ARHGEF3: variants seen among roughly 807,000 people sequenced by gnomAD.
ARHGEF3 encodes the protein 59.8 kDA protein.
A neutral mutation model predicts 63.2 loss-of-function variants in ARHGEF3; 28 were observed. The ratio of observed to expected loss-of-function variants is 0.44; its 90% CI spans 0.33 to 0.61. The LOEUF is 0.61. Ranked by LOEUF, ARHGEF3 falls within the 20% of genes least tolerant of loss-of-function variation. ARHGEF3 has a pLI of 0.03. For missense variants in ARHGEF3, 533 were observed against 659.3 expected (o/e 0.81, Z 2.10); for synonymous variants, 266 against 254.2 (o/e 1.05, Z -0.44).
intron 1 of ARHGEF3, among the ~76,000 whole-genome samples, chr3:57,066,033 T>C (rs1228030859): frequency 7.4e-6 from 1 of 135,718 alleles, no homozygotes; most frequent in African/African-American, 2.9e-5. Context: ...AGACTCTGTC[T>C]CCAAAACAAA....
At chr3:56,791,240 A>G (rs1360211409) in intron 1 of ARHGEF3, among the ~76,000 whole-genome samples, 1 of 152,036 alleles carries the variant, frequency 6.6e-6, no homozygotes, top group African/African-American at 2.4e-5. Context: ...CTGACTCTAG[A>G]AAAATAAAAC....
At chr3:56,918,215 G>A (rs1005683144) in intron 3 of ARHGEF3, among the ~76,000 whole-genome samples, 1 of 152,166 alleles carries the variant, frequency 6.6e-6, no homozygotes, top group Non-Finnish European at 1.5e-5. Context: ...TGGGAAATGC[G>A]GGAGGCTCCA....
At chr3:56,821,180 A>T (rs72867713) in intron 4 of ARHGEF3, among the ~76,000 whole-genome samples, 1,567 of 149,220 alleles carry the variant, frequency 0.011, 17 homozygotes, top group African/African-American at 0.03. Context: ...AATAAATAAA[A>T]AAAATAGGGT....
At chr3:56,904,307 A>C (rs1365399515) in intron 3 of ARHGEF3, among the ~76,000 whole-genome samples, 1 of 152,154 alleles carries the variant, frequency 6.6e-6, no homozygotes, top group African/African-American at 2.4e-5. Flanking sequence ...TTGGGATTAC[A>C]GGCATAAGCC....
In ARHGEF3 at chr3:56,745,271, C is replaced by G; in HGVS notation, c.804G>C (p.Leu268=). 6.2e-7 allele frequency: 1 copy of G among 1,613,948 alleles called. No individual in the cohort carries two copies. Among genetic ancestry groups the G allele is most frequent in the Non-Finnish European group, 8.5e-7 (1 of 1,180,002 alleles). The change falls in exon 7 of 10, where the codon CTG becomes CTC. Residue 268 remains leucine, a synonymous_variant. Coordinates refer to ENST00000296315, the MANE Select transcript of ARHGEF3 (RefSeq NM_019555.3). ...TGTGCCTCAAGATTTCTCGGAGAAG[C>G]AGAGGGTATTTTACCAGGCGGCTTC... ...IPRSRLVKYP[L]LLREILRHTP...
intron 1 of ARHGEF3, chr3:57,060,407 T>A (rs914486592): frequency 6.6e-6 from 1 of 152,200 alleles, no homozygotes; most frequent in South Asian, 2.1e-4. Context: ...CAAAAAAGTC[T>A]AGGTTCTGCA....
At chr3:56,937,967 AT>A (rs1334143100) in intron 3 of ARHGEF3, among the ~76,000 whole-genome samples, 1 of 152,224 alleles carries the variant, frequency 6.6e-6, no homozygotes, top group East Asian at 1.9e-4. Flanking sequence ...TTTTCTCTAA[AT>A]GAAATGTTAG....
At chr3:56,928,899 G>T (rs192180362) in intron 3 of ARHGEF3, among the ~76,000 whole-genome samples, 1 of 152,320 alleles carries the variant, frequency 6.6e-6, no homozygotes, top group African/African-American at 2.4e-5. Flanking sequence ...TAACACACGG[G>T]CCTCAGTGAG....
chr3:57,039,878 C>T (rs575632067), intron 1 of ARHGEF3, among the ~76,000 whole-genome samples: 1 of 152,174 alleles, frequency 6.6e-6, no homozygotes. Flanking sequence ...ATCACATCTG[C>T]AAAGTCCCTT....
intron 2 of ARHGEF3, among the ~76,000 whole-genome samples, chr3:56,960,078 C>A (rs367711105): frequency 3.3e-5 from 5 of 152,180 alleles, no homozygotes; most frequent in African/African-American, 1.2e-4. Context: ...CATGTAGTGA[C>A]CAGTGTACAG....
At chr3:56,942,607 G>T (rs1400702154) in intron 3 of ARHGEF3, among the ~76,000 whole-genome samples, 1 of 152,160 alleles carries the variant, frequency 6.6e-6, no homozygotes, top group African/African-American at 2.4e-5. Context: ...GTGTTAAAGT[G>T]AAAGGAAGAG....
chr3:56,993,074 A>C (rs775999637), intron 2 of ARHGEF3, among the ~76,000 whole-genome samples: 1 of 152,166 alleles, frequency 6.6e-6, no homozygotes, highest in Non-Finnish European at 1.5e-5. Flanking sequence ...ACTTCAGGCG[A>C]TCTGTCTGCC....
chr3:56,894,410 A>G (rs555954204), intron 3 of ARHGEF3, among the ~76,000 whole-genome samples: 1 of 152,268 alleles, frequency 6.6e-6, no homozygotes, highest in Non-Finnish European at 1.5e-5. Flanking sequence ...CTGTGTTTCT[A>G]TTGTCAAAAT....
chr3:56,776,101 G>A (rs2036271613), intron 1 of ARHGEF3, among the ~76,000 whole-genome samples: 1 of 152,176 alleles, frequency 6.6e-6, no homozygotes, highest in Non-Finnish European at 1.5e-5. Context: ...AGGGGCCAGA[G>A]AGCACTGCAC....
chr3:56,826,183 T>A (rs1476069931), intron 4 of ARHGEF3, among the ~76,000 whole-genome samples: 2 of 152,186 alleles, frequency 1.3e-5, no homozygotes, highest in East Asian at 3.9e-4. Flanking sequence ...GAAAAAGAGA[T>A]TCCTAAGCAA....
At chr3:57,058,578 G>A (rs957911220) in intron 1 of ARHGEF3, among the ~76,000 whole-genome samples, 6 of 152,162 alleles carry the variant, frequency 3.9e-5, no homozygotes, top group African/African-American at 1.4e-4. Flanking sequence ...TGTGGAAGTC[G>A]GTGTAGCGAT....
chr3:56,793,162 C>T (rs1238490951), intron 1 of ARHGEF3, among the ~76,000 whole-genome samples: 30 of 146,636 alleles, frequency 2.0e-4, no homozygotes, highest in African/African-American at 6.9e-4. Flanking sequence ...CGCCACCAGG[C>T]CCAGATAATT....
At position 56,951,084 on chromosome 3, in the gene ARHGEF3, A is replaced by T. The variant is rs567146737; in HGVS notation, c.129+7739T>A. On this transcript the variant is annotated intron_variant, in intron 3 of 12. Transcript: ENST00000338458. ...CATAGGTGGGAATTGAACAATGAGA[A>T]CACATGGACACAGGAAGGGGAACAT... 1.1e-4 allele frequency among the ~76,000 whole-genome samples: 17 copies of T among 151,898 alleles called. No individual in the cohort carries two copies. In the South Asian group the frequency reaches 2.3e-3, roughly 20 times the overall value.
intron 3 of ARHGEF3, among the ~76,000 whole-genome samples, chr3:56,907,116 G>A (rs2041711123): frequency 6.6e-6 from 1 of 151,122 alleles, no homozygotes; most frequent in African/African-American, 2.4e-5. Context: ...CAAATAGCTG[G>A]GATTACAGGC....
Sources: gnomAD v4.1 joint callset for allele counts (sites outside exome capture counted in the v4.1 genomes callset) on GRCh38, gnomAD v4.1.1 for gene constraint, MANE v1.5 for transcripts, NCBI Gene and HGNC (gene_info 2026-07-23, HGNC 2026-07-21) for gene names.